The following NRG3 variants were observed in gnomAD, a reference collection of about 807,000 sequenced individuals.
The protein encoded by NRG3 is pro-neuregulin-3, membrane-bound isoform.
In NRG3, 31 loss-of-function variants were observed where a neutral mutation model predicts 66.9. That is an observed-to-expected ratio of 0.46 (90% CI 0.35 to 0.63). NRG3 has a LOEUF of 0.63. NRG3 is among the 20% of genes least tolerant of loss of function. The probability of loss-of-function intolerance (pLI) is 0.00; values close to 1 mark genes in which losing one functional copy is unlikely to be tolerated. For missense variants in NRG3, 910 were observed against 878.9 expected, an observed-to-expected ratio of 1.04 and a Z score of -0.45; for synonymous variants, 393 against 359.4, an observed-to-expected ratio of 1.09 and a Z score of -1.06.
At chr10:82,279,706 T>A (rs972039803) in intron 1 of NRG3, among the ~76,000 whole-genome samples, 3 of 152,178 alleles carry the variant, frequency 2.0e-5, no homozygotes, top group Admixed American at 2.0e-4. Context: ...TTTGCATACC[T>A]CAAACAAATA....
intron 2 of NRG3, among the ~76,000 whole-genome samples, chr10:82,676,864 G>T (rs2053727613): frequency 6.6e-6 from 1 of 151,572 alleles, no homozygotes; most frequent in African/African-American, 2.4e-5. Context: ...GTTTGGAGTT[G>T]CTTTTAAGGG....
chr10:81,969,772 AGT>A (rs151308270), intron 1 of NRG3, among the ~76,000 whole-genome samples: 15,625 of 144,434 alleles, frequency 0.11, 1,455 homozygotes, highest in African/African-American at 0.24. Flanking sequence ...GGACATTTTG[AGT>A]GTGTGTGTGT....
chr10:82,233,612 G>A (rs1477901149), intron 1 of NRG3, among the ~76,000 whole-genome samples: 1 of 151,948 alleles, frequency 6.6e-6, no homozygotes, highest in South Asian at 2.1e-4. Flanking sequence ...ATTCACTCTT[G>A]TGTATCTAAC....
intron 1 of NRG3, among the ~76,000 whole-genome samples, chr10:81,934,022 C>T (rs1270568432): frequency 6.6e-6 from 1 of 152,084 alleles, no homozygotes; most frequent in Non-Finnish European, 1.5e-5. Flanking sequence ...ATTGTTTAAA[C>T]CAGTTTAATT....
At chr10:82,827,461 T>G (rs1190541051) in intron 3 of NRG3, among the ~76,000 whole-genome samples, 1 of 152,028 alleles carries the variant, frequency 6.6e-6, no homozygotes, top group Non-Finnish European at 1.5e-5. Flanking sequence ...GGGCCACCCT[T>G]CTCCTTTGGC....
chr10:82,397,249 A>T (rs1239721051), intron 2 of NRG3, among the ~76,000 whole-genome samples: 3 of 152,162 alleles, frequency 2.0e-5, no homozygotes, highest in Non-Finnish European at 4.4e-5. Context: ...GGAACTTTTA[A>T]TGCTAATATT....
intron 1 of NRG3, among the ~76,000 whole-genome samples, chr10:82,109,930 T>C (rs1378576842): frequency 6.6e-6 from 1 of 152,166 alleles, no homozygotes; most frequent in East Asian, 1.9e-4. Context: ...ATAAGTGCTC[T>C]TCTTAATCAC....
intron 1 of NRG3, among the ~76,000 whole-genome samples, chr10:82,348,036 G>A (rs1169887255): frequency 1.3e-5 from 2 of 151,876 alleles, no homozygotes; most frequent in Non-Finnish European, 2.9e-5. Flanking sequence ...CCCAGTCTGT[G>A]TCTTTTAATT....
chr10:82,014,951 T>C (rs2061721942), intron 1 of NRG3, among the ~76,000 whole-genome samples: 1 of 152,176 alleles, frequency 6.6e-6, no homozygotes, highest in South Asian at 2.1e-4. Flanking sequence ...CTAAGGTCTG[T>C]GTTAATGAAG....
chr10:82,899,466 A>G (rs1392665229), intron 4 of NRG3, among the ~76,000 whole-genome samples: 1 of 152,202 alleles, frequency 6.6e-6, no homozygotes, highest in Non-Finnish European at 1.5e-5. Flanking sequence ...GTACATAAAT[A>G]GTGAATTTTT....
intron 2 of NRG3, among the ~76,000 whole-genome samples, chr10:82,375,429 A>G (rs2085159739): frequency 6.6e-6 from 1 of 151,888 alleles, no homozygotes. Context: ...CCCAGCTACC[A>G]GGGAGGCTGA....
rs146911717 is a variant in NRG3, at chr10:82,965,770, A to G, written c.1284+6695A>G. Among the ~76,000 whole-genome samples the G allele has an allele frequency of 1.2e-3, 189 of 152,166 alleles. 4 individuals carry two copies. The East Asian group carries it at 0.03, about 24-fold the overall frequency. On this transcript the variant is annotated intron_variant, in intron 6 of 8. Coordinates refer to ENST00000372141, the MANE Select transcript of NRG3 (RefSeq NM_001010848.4). ...ATATATATATATATTAGCACAGAGC[A>G]TAAAATGTCCAAAAGCTATGATCAT... is the stretch of plus-strand genomic sequence containing the variant.
intron 1 of NRG3, among the ~76,000 whole-genome samples, chr10:82,326,940 C>G (rs2081903107): frequency 6.6e-6 from 1 of 152,056 alleles, no homozygotes; most frequent in Non-Finnish European, 1.5e-5. Context: ...ATAAGGTGAT[C>G]CAGAAAGACA....
At chr10:81,940,324 A>G (rs1848295677) in intron 1 of NRG3, among the ~76,000 whole-genome samples, 1 of 151,796 alleles carries the variant, frequency 6.6e-6, no homozygotes, top group African/African-American at 2.4e-5. Context: ...TTCCTTATTT[A>G]TCTTCTCTCT....
Position 82,978,985 on chromosome 10 carries a change from G to C in NRG3, c.1448G>C (p.Ser483Thr), listed in dbSNP as rs970087776. 1.2e-6 allele frequency: 2 copies of C among 1,613,898 alleles called. No homozygotes were observed. Among genetic ancestry groups the C allele is most frequent in the Non-Finnish European group, 1.7e-6 (2 of 1,179,966 alleles). The change falls in exon 8 of 9, where the codon AGT becomes ACT. Residue 483 changes from serine to threonine, a missense_variant. Transcript: ENST00000372141. ...TCTTGCTGCAGCCCAGGGCAAAGAA[G>C]TGGCATGCTCCATAGGAATGCCTTC... is the stretch of plus-strand genomic sequence containing the variant. ...LSSCCSPGQR[S>T]GMLHRNAFRR...
At chr10:82,978,014 C>A (rs1261632942) in intron 7 of NRG3, among the ~76,000 whole-genome samples, 1 of 152,102 alleles carries the variant, frequency 6.6e-6, no homozygotes, top group East Asian at 1.9e-4. Flanking sequence ...GAGAATGGAG[C>A]ACAGAATTCT....
intron 2 of NRG3, among the ~76,000 whole-genome samples, chr10:82,474,465 A>G (rs1473275094): frequency 6.6e-6 from 1 of 152,194 alleles, no homozygotes; most frequent in Non-Finnish European, 1.5e-5. Context: ...AACATACAAT[A>G]ACAACTGAAA....
intron 2 of NRG3, among the ~76,000 whole-genome samples, chr10:82,713,958 G>A (rs2056827462): frequency 6.6e-6 from 1 of 151,916 alleles, no homozygotes; most frequent in Admixed American, 6.6e-5. Context: ...CCCAGAGACA[G>A]ACCTGAAGGA....
chr10:82,889,738 A>G (rs1387319178), intron 4 of NRG3, among the ~76,000 whole-genome samples: 1 of 152,198 alleles, frequency 6.6e-6, no homozygotes, highest in Non-Finnish European at 1.5e-5. Flanking sequence ...AGTGATTCCC[A>G]TTCGTTGCCT....
Sources: allele counts gnomAD v4.1 joint callset (sites outside exome capture counted in the v4.1 genomes callset), GRCh38; gene constraint gnomAD v4.1.1; transcripts MANE v1.5; gene names NCBI Gene and HGNC (gene_info 2026-07-23, HGNC 2026-07-21).